The following CLCN5 variants were observed in gnomAD, a reference collection of about 807,000 sequenced individuals.
The protein encoded by CLCN5 is H(+)/Cl(-) exchange transporter 5.
CLCN5 carries 17 observed loss-of-function variants against 54.0 expected under a neutral mutation model. The ratio of observed to expected loss-of-function variants is 0.31; its 90% CI spans 0.22 to 0.47. The LOEUF (loss-of-function observed/expected upper bound fraction) is 0.47. Among genes scored for constraint, CLCN5 ranks in the 20% least tolerant of loss-of-function variants. The pLI is 1.00. For missense variants in CLCN5, 448 were observed against 646.7 expected (o/e 0.69, Z 3.33); for synonymous variants, 222 against 233.0 (o/e 0.95, Z 0.43).
intron 3 of CLCN5, chrX:50,013,104 C>T (rs781872136): frequency 1.2e-4 from 26 of 216,867 alleles, no homozygotes; most frequent in African/African-American, 6.9e-4. Flanking sequence ...CTTCTCCAGG[C>T]GTGCACCTGA....
intron 3 of CLCN5, among the ~76,000 whole-genome samples, chrX:50,016,934 T>C (rs1930817647): frequency 8.9e-6 from 1 of 111,738 alleles, no homozygotes; most frequent in Non-Finnish European, 1.9e-5. Context: ...TTTCATTTTT[T>C]TCCCCATTTA....
chrX:49,972,976 T>G (rs138104593), intron 3 of CLCN5, among the ~76,000 whole-genome samples: 1 of 112,241 alleles, frequency 8.9e-6, no homozygotes, highest in African/African-American at 3.2e-5. Flanking sequence ...TAGCAACCTT[T>G]ATATGGTGCT....
intron 4 of CLCN5, among the ~76,000 whole-genome samples, chrX:50,057,427 C>G (rs868967815): frequency 0.016 from 973 of 61,654 alleles, 62 homozygotes; most frequent in African/African-American, 0.06. Context: ...ATCCAGGACT[C>G]TCCTGGATAG....
chrX:49,982,720 T>G (rs1451887914), intron 3 of CLCN5, among the ~76,000 whole-genome samples: 2 of 111,884 alleles, frequency 1.8e-5, no homozygotes, highest in African/African-American at 6.5e-5. Flanking sequence ...ATGGCAACTA[T>G]ATATATTATT....
intron 7 of CLCN5, among the ~76,000 whole-genome samples, chrX:50,076,185 T>G (rs1284752351): frequency 8.9e-6 from 1 of 112,208 alleles, no homozygotes; most frequent in Non-Finnish European, 1.9e-5. Flanking sequence ...TTGACGCTTA[T>G]GTTTAAAATG....
intron 3 of CLCN5, among the ~76,000 whole-genome samples, chrX:49,987,059 G>A (rs1216033818): frequency 1.4e-4 from 16 of 112,396 alleles, no homozygotes; most frequent in Admixed American, 7.5e-4. Flanking sequence ...AACAGTTAAC[G>A]CAGGTGTAGA....
intron 3 of CLCN5, among the ~76,000 whole-genome samples, chrX:50,000,883 G>T (rs1410783888): frequency 8.9e-6 from 1 of 111,741 alleles, no homozygotes; most frequent in African/African-American, 3.3e-5. Flanking sequence ...CACCTAAGCT[G>T]CTTGGTCCCA....
chrX:50,075,313 A>C (rs1391783552), intron 6 of CLCN5, among the ~76,000 whole-genome samples: 1 of 111,123 alleles, frequency 9.0e-6, no homozygotes, highest in African/African-American at 3.3e-5. Flanking sequence ...TCTCTAAGCA[A>C]TCTCAAATAA....
intron 3 of CLCN5, among the ~76,000 whole-genome samples, chrX:49,940,607 A>T (rs1288134060): frequency 2.7e-5 from 3 of 112,355 alleles, no homozygotes; most frequent in African/African-American, 9.7e-5. Flanking sequence ...CATAATACCT[A>T]ATAGTGTCTT....
At chrX:50,088,029 T>A (rs1181680844) in intron 11 of CLCN5, among the ~76,000 whole-genome samples, 1 of 112,431 alleles carries the variant, frequency 8.9e-6, no homozygotes, top group Non-Finnish European at 1.9e-5. Flanking sequence ...TACAATTTTT[T>A]AATTGTTTAA....
intron 3 of CLCN5, among the ~76,000 whole-genome samples, chrX:50,026,433 G>T (rs988566951): frequency 9.0e-6 from 1 of 111,640 alleles, no homozygotes; most frequent in Non-Finnish European, 1.9e-5. Context: ...CTGATCTTCT[G>T]TCTGCTGTAT....
rs782740339 is a variant in CLCN5, at chrX:50,052,058, T to C, written c.163+9596T>C. On this transcript the variant is annotated intron_variant, in intron 4 of 14. Coordinates refer to ENST00000376091, the MANE Select transcript of CLCN5 (RefSeq NM_001127898.4). ...TGTTGTCTTACTTTACTAGCTAAGA[T>C]GTTGAATAGATGAATGGTAAGAGAA... 5.4e-5 allele frequency among the ~76,000 whole-genome samples: 6 copies of C among 112,106 alleles called. No individual in the cohort carries two copies. In the South Asian group the frequency reaches 2.2e-3, roughly 41 times the overall value.
chrX:50,007,423 C>CTCTCTCTCTCTT (rs1930236465), intron 3 of CLCN5, among the ~76,000 whole-genome samples: 4 of 86,496 alleles, frequency 4.6e-5, no homozygotes, highest in African/African-American at 3.7e-4. Flanking sequence ...CTCTCTCTCT[C>CTCTCTCTCTCTT]TCTCTCTCTC....
chrX:49,969,309 C>T (rs782382107), intron 3 of CLCN5, among the ~76,000 whole-genome samples: 3 of 111,980 alleles, frequency 2.7e-5, no homozygotes, highest in African/African-American at 6.5e-5. Flanking sequence ...AACTCCTGAC[C>T]GCAGGTGATC....
intron 3 of CLCN5, among the ~76,000 whole-genome samples, chrX:49,980,313 A>T (rs1338926255): frequency 9.0e-6 from 1 of 111,582 alleles, no homozygotes; most frequent in Non-Finnish European, 1.9e-5. Flanking sequence ...ATGCTTTTTT[A>T]AAAGTATATT....
chrX:50,015,464 T>A (rs1557183384), intron 3 of CLCN5, among the ~76,000 whole-genome samples: 1 of 108,153 alleles, frequency 9.2e-6, no homozygotes, highest in African/African-American at 3.4e-5. Flanking sequence ...ATTGCTGATC[T>A]TGTATGCACC....
chrX:49,954,451 C>T (rs782214377), intron 3 of CLCN5, among the ~76,000 whole-genome samples: 1 of 111,419 alleles, frequency 9.0e-6, no homozygotes, highest in African/African-American at 3.3e-5. Context: ...AGATTGGACA[C>T]CCCTGTTCTA....
rs781824592 is a variant in CLCN5 at position 50,090,475 on chromosome X, G to A, written c.2104G>A (p.Val702Met). Residue 702 changes from valine (V) to methionine (M), a missense_variant, in exon 13 of 15, where the codon GTG becomes ATG. By Grantham distance (21) the Val-to-Met change is conservative. Coordinates refer to ENST00000376091, the MANE Select transcript of CLCN5 (RefSeq NM_001127898.4). ...VVVSRESQRL[V>M]GFVLRRDLII... ...GGTATCCCGGGAGTCCCAAAGACTT[G>A]TGGGCTTTGTCCTCCGAAGAGATCT... 2.5e-6 allele frequency: 3 copies of A among 1,208,895 alleles called. No individual in the cohort carries two copies. In the South Asian group the frequency reaches 5.3e-5, roughly 21 times the overall value.
Position 50,092,498 on chromosome X carries a change from G to T in CLCN5, c.*279G>T, listed in dbSNP as rs1175115054. ...GTTTAATTATATTTGCTTTTTAAAAGATTTTTTTAACTTAAAAAGTAGTTA... is the reference window on the plus strand; with the variant it reads ...GTTTAATTATATTTGCTTTTTAAAATATTTTTTTAACTTAAAAAGTAGTTA... On this transcript the variant is annotated 3_prime_UTR_variant, in exon 15 of 15. Coordinates refer to ENST00000376091, the MANE Select transcript of CLCN5 (RefSeq NM_001127898.4). 1.3e-5 allele frequency: 4 copies of T among 308,672 alleles called. No individual in the cohort carries two copies. Among genetic ancestry groups the T allele is most frequent in the East Asian group, 1.2e-4 (2 of 16,927 alleles). The allele number at this position is 308,672 out of a possible 1,213,427, so 25.4% of individuals were successfully genotyped here.
Sources: allele counts gnomAD v4.1 joint callset (sites outside exome capture counted in the v4.1 genomes callset), GRCh38; gene constraint gnomAD v4.1.1; transcripts MANE v1.5; gene names NCBI Gene and HGNC (gene_info 2026-07-23, HGNC 2026-07-21).